The following MCTP2 variants were observed in gnomAD, a reference collection of about 807,000 sequenced individuals.
MCTP2 encodes multiple C2 and transmembrane domain-containing protein 2.
Under a neutral mutation model 111.6 loss-of-function variants are expected in MCTP2, and 132 were observed. That is an observed-to-expected ratio of 1.18 (90% CI 1.03 to 1.37). The LOEUF (loss-of-function observed/expected upper bound fraction) is 1.37, where lower values mean the gene tolerates loss of function less well. Ranked by LOEUF, MCTP2 falls within the 40% of genes most tolerant of loss-of-function variation. The probability of loss-of-function intolerance (pLI) is 0.00; values close to 1 mark genes in which losing one functional copy is unlikely to be tolerated. For missense variants in MCTP2, 1,183 were observed against 1,067.9 expected (o/e 1.11, Z -1.50); for synonymous variants, 395 against 387.7 (o/e 1.02, Z -0.22).
chr15:94,300,714 T>C (rs1163279616), intron 2 of MCTP2, among the ~76,000 whole-genome samples: 1 of 152,040 alleles, frequency 6.6e-6, no homozygotes, highest in Non-Finnish European at 1.5e-5. Context: ...TTGCAAAATG[T>C]TTCAGCCTGG....
intron 8 of MCTP2, among the ~76,000 whole-genome samples, chr15:94,352,295 T>G (rs183491054): frequency 1.3e-5 from 2 of 152,184 alleles, no homozygotes; most frequent in East Asian, 3.8e-4. Context: ...TCAAAGCTCT[T>G]TTACAGAAGT....
chr15:94,333,778 A>AGT (rs2077232379), intron 4 of MCTP2, among the ~76,000 whole-genome samples: 1 of 152,218 alleles, frequency 6.6e-6, no homozygotes, highest in Admixed American at 6.5e-5. Flanking sequence ...ATCCTCAATG[A>AGT]ATACAACAGT....
chr15:94,264,134 C>T (rs1450654401), intron 1 of MCTP2, among the ~76,000 whole-genome samples: 2 of 152,042 alleles, frequency 1.3e-5, no homozygotes, highest in Non-Finnish European at 2.9e-5. Flanking sequence ...TCCCTAGGAC[C>T]CTGGTTAGCT....
At chr15:94,464,257 T>TATATATATATAA (rs4001978) in intron 20 of MCTP2, among the ~76,000 whole-genome samples, 1 of 44,968 alleles carries the variant, frequency 2.2e-5, no homozygotes, top group Non-Finnish European at 5.7e-5. Flanking sequence ...TATATATATA[T>TATATATATATAA]TATATATATA....
chr15:94,250,057 T>C (rs77609107), intron 1 of MCTP2, among the ~76,000 whole-genome samples: 8,370 of 152,160 alleles, frequency 0.055, 306 homozygotes, highest in Non-Finnish European at 0.083. Flanking sequence ...ATTTTTTTTT[T>C]CCCCAACTTA....
chr15:94,357,565 GT>G (rs199906429), intron 9 of MCTP2, among the ~76,000 whole-genome samples: 64 of 143,066 alleles, frequency 4.5e-4, no homozygotes, highest in Non-Finnish European at 6.9e-4. Context: ...TTTTGTTTTT[GT>G]TTTTTTCCCA....
At chr15:94,328,005 C>T (rs1355112873) in intron 4 of MCTP2, among the ~76,000 whole-genome samples, 5 of 152,166 alleles carry the variant, frequency 3.3e-5, no homozygotes, top group African/African-American at 4.8e-5. Context: ...ATTCCTGCTG[C>T]GTGTAAGAAA....
At chr15:94,404,763 C>T (rs1314796309) in intron 17 of MCTP2, among the ~76,000 whole-genome samples, 2 of 152,082 alleles carry the variant, frequency 1.3e-5, no homozygotes, top group East Asian at 1.9e-4. Context: ...AGGGGGCTGC[C>T]CTGGCTGTAG....
chr15:94,246,105 C>G (rs1265159979), intron 1 of MCTP2, among the ~76,000 whole-genome samples: 9 of 152,160 alleles, frequency 5.9e-5, no homozygotes, highest in Admixed American at 3.9e-4. Flanking sequence ...ACTTTTATCT[C>G]TGTTCCTCTC....
rs776242042 is a variant in MCTP2 at position 94,345,149 on chromosome 15, A to AT, written c.992dup (p.Leu331PhefsTer16). On this transcript the variant is annotated frameshift_variant, in exon 8 of 23. Coordinates refer to ENST00000357742, the MANE Select transcript of MCTP2 (RefSeq NM_001385001.1). LOFTEE classifies it high-confidence loss of function. Reference sequence around the variant, plus strand: ...TTTAGCGTTGGTCAAATCGGAAGCGATTAAGTGCCAGCAAGGTAAATATAC... The same window carrying AT: ...TTTAGCGTTGGTCAAATCGGAAGCGATTTAAGTGCCAGCAAGGTAAATATAC... The AT allele has an allele frequency of 6.2e-7, 1 of 1,612,718 alleles. No individual in the cohort carries two copies. The highest frequency in any genetic ancestry group is 1.3e-5 in the African/African-American group (1 of 75,022).
At chr15:94,353,805 G>A (rs955609697) in intron 8 of MCTP2, among the ~76,000 whole-genome samples, 8 of 152,140 alleles carry the variant, frequency 5.3e-5, no homozygotes, top group Admixed American at 3.3e-4. Context: ...TTTAAAGGTA[G>A]AAGTTTTTAG....
Position 94,440,215 on chromosome 15 carries a change from A to T in MCTP2, c.2125A>T (p.Ile709Phe). 6.2e-7 allele frequency: 1 copy of T among 1,614,050 alleles called. No homozygotes were observed. The highest frequency in any genetic ancestry group is 8.5e-7 in the Non-Finnish European group (1 of 1,179,948). Reference sequence around the variant, plus strand: ...TGTCTGGAATTTTGAACTATATATGATCCCCTTGGCATTGTTGCTGATCTT... The same window carrying T: ...TGTCTGGAATTTTGAACTATATATGTTCCCCTTGGCATTGTTGCTGATCTT... Reference protein sequence around the residue: ...ITVWNFELYMIPLALLLIFVY... With the variant: ...ITVWNFELYMFPLALLLIFVY... Residue 709 changes from isoleucine to phenylalanine, a missense_variant, in exon 18 of 23, where the codon ATC becomes TTC. Ile to Phe is a conservative substitution (Grantham distance 21). Coordinates refer to ENST00000357742, the MANE Select transcript of MCTP2 (RefSeq NM_001385001.1).
At chr15:94,447,848 C>A (rs2084210127) in intron 19 of MCTP2, among the ~76,000 whole-genome samples, 1 of 152,216 alleles carries the variant, frequency 6.6e-6, no homozygotes, top group Non-Finnish European at 1.5e-5. Context: ...TGCACACACT[C>A]ACCTTCAGGG....
chr15:94,373,816 T>C (rs2079610736), intron 12 of MCTP2, among the ~76,000 whole-genome samples: 1 of 152,224 alleles, frequency 6.6e-6, no homozygotes, highest in South Asian at 2.1e-4. Flanking sequence ...TTAGGCCCAG[T>C]GTAACCTAAC....
intron 1 of MCTP2, among the ~76,000 whole-genome samples, chr15:94,296,059 T>G (rs1273214331): frequency 6.6e-6 from 1 of 152,214 alleles, no homozygotes; most frequent in Admixed American, 6.5e-5. Context: ...GAGTTTCTCA[T>G]AGTACCTGTC....
Position 94,367,791 on chromosome 15 carries a change from T to A in MCTP2, c.1488T>A (p.Tyr496Ter), listed in dbSNP as rs2289010. The A allele has an allele frequency of 4.1e-5, 66 of 1,597,244 alleles. 1 individual carries two copies. In the East Asian group the frequency reaches 1.4e-3, roughly 34 times the overall value. The part of the protein sequence containing the change: ...LSERKQITQR[Y>*]CLQNSLKDVK... Reference sequence around the variant, plus strand: ...AAAGAAAGCAGATTACCCAGCGATATGTGAGTGTTTTTCCTTATTGTACAC... The same window carrying A: ...AAAGAAAGCAGATTACCCAGCGATAAGTGAGTGTTTTTCCTTATTGTACAC... The change falls in exon 11 of 23, where the codon TAT (tyrosine) becomes TAA (stop). Residue 496 changes from tyrosine to a stop codon, truncating the protein, a stop_gained and splice_region_variant. Coordinates refer to ENST00000357742, the MANE Select transcript of MCTP2 (RefSeq NM_001385001.1). LOFTEE classifies it high-confidence loss of function.
intron 17 of MCTP2, among the ~76,000 whole-genome samples, chr15:94,430,951 A>G (rs1389518958): frequency 6.6e-6 from 1 of 152,004 alleles, no homozygotes; most frequent in East Asian, 1.9e-4. Flanking sequence ...ACCCAGCCCC[A>G]CTGCCTGATA....
At chr15:94,470,506 A>T in intron 21 of MCTP2, 64 bp downstream of exon 21, 1 of 1,071,894 alleles carries the variant, frequency 9.3e-7, no homozygotes, top group Non-Finnish European at 1.5e-6. Context: ...ACTCATTTTT[A>T]AAGTGCGACT....
chr15:94,271,066 AC>A (rs1049617434), intron 1 of MCTP2, among the ~76,000 whole-genome samples: 5 of 152,220 alleles, frequency 3.3e-5, no homozygotes, highest in African/African-American at 1.2e-4. Flanking sequence ...CCAGTCAATC[AC>A]AACAGTGTTA....
Sources: gnomAD v4.1 joint callset for allele counts (sites outside exome capture counted in the v4.1 genomes callset) on GRCh38, gnomAD v4.1.1 for gene constraint, MANE v1.5 for transcripts, NCBI Gene and HGNC (gene_info 2026-07-23, HGNC 2026-07-21) for gene names.